Variants in WHRN observed in about 807,000 individuals in gnomAD.
WHRN encodes the protein whirlin.
In WHRN, 41 loss-of-function variants were observed where a neutral mutation model predicts 68.3. That is an observed-to-expected ratio of 0.60 (90% CI 0.47 to 0.78). The LOEUF is 0.78. Among genes scored for constraint, WHRN ranks in the 30% least tolerant of loss-of-function variants. WHRN has a pLI of 0.00. For missense variants in WHRN, 1,243 were observed against 1,244.7 expected (o/e 1.00, Z 0.02); for synonymous variants, 560 against 561.3 (o/e 1.00, Z 0.03).
chr9:114,498,609 C>T (rs930113783), intron 1 of WHRN, among the ~76,000 whole-genome samples: 1 of 152,088 alleles, frequency 6.6e-6, no homozygotes, highest in African/African-American at 2.4e-5. Context: ...GGTCTCAGAC[C>T]GCCCCCCAAC....
Position 114,406,891 on chromosome 9 carries a change from T to A in WHRN, c.1700A>T (p.Asp567Val). Residue 567 changes from aspartate (D) to valine (V), a missense_variant and splice_region_variant, in exon 9 of 12, where the codon GAT becomes GTT. By Grantham distance (152) the Asp-to-Val change is radical. Transcript: ENST00000362057. ...NINALPDVSV[D>V]DVRSTSQGLS... The stretch of plus-strand genomic sequence containing the variant: ...CCCCTGGGAGGTGGATCTGACATCA[T>A]CCTGCCAAAAGACCCAACAGGCGGA... The A allele has an allele frequency of 6.4e-7, 1 of 1,570,550 alleles. No individual in the cohort carries two copies. The highest frequency in any genetic ancestry group is 8.6e-7 in the Non-Finnish European group (1 of 1,157,910).
rs866159245 is a variant in WHRN at position 114,407,871 on chromosome 9, G to A, written c.1698+76C>T. On this transcript the variant is annotated intron_variant, in intron 8 of 11. Transcript: ENST00000362057. ...CACCCTGTGCCCTTTCTCCGTGGCT[G>A]TCATGGAGAGGAGAGAGCCACCAGG... The A allele has an allele frequency of 2.1e-4, 269 of 1,286,648 alleles. 1 individual carries two copies. Among genetic ancestry groups the A allele is most frequent in the Middle Eastern group, 2.0e-3 (9 of 4,458 alleles). 79.7% of individuals were successfully genotyped at this position (1,286,648 alleles called of 1,614,324 possible).
intron 7 of WHRN, among the ~76,000 whole-genome samples, chr9:114,421,855 G>A (rs943261766): frequency 6.6e-6 from 1 of 152,176 alleles, no homozygotes; most frequent in Admixed American, 6.5e-5. Context: ...TCCAGCCCTA[G>A]AGGAATGCAG....
chr9:114,491,458 A>AAC lies in WHRN; in HGVS notation c.619-12689_619-12688dup, dbSNP rs56131508. The AAC allele has an allele frequency of 9.0e-3, 1,381 of 153,010 alleles. 23 individuals carry two copies. Among genetic ancestry groups the AAC allele is most frequent in the African/African-American group, 0.032 (1,317 of 41,516 alleles). 9.5% of individuals were successfully genotyped at this position (153,010 alleles called of 1,614,324 possible). On this transcript the variant is annotated intron_variant, in intron 1 of 11. Transcript: ENST00000362057. ...CGAAATATATACGTGTAAATACATG[A>AAC]ACACACACACAAACAATAAACATGC...
At chr9:114,412,733 A>T (rs1039534505) in intron 7 of WHRN, among the ~76,000 whole-genome samples, 2 of 152,188 alleles carry the variant, frequency 1.3e-5, no homozygotes, top group Non-Finnish European at 2.9e-5. Context: ...CCCAGGTATC[A>T]CAGAAGTGTG....
At chr9:114,443,554 T>C in intron 3 of WHRN, among the ~76,000 whole-genome samples, 1 of 152,350 alleles carries the variant, frequency 6.6e-6, no homozygotes, top group East Asian at 1.9e-4. Context: ...ACCCTTGTGA[T>C]GACACGCGAC....
chr9:114,438,537 C>G (rs184761109), intron 3 of WHRN, among the ~76,000 whole-genome samples: 1 of 150,336 alleles, frequency 6.7e-6, no homozygotes, highest in African/African-American at 2.4e-5. Context: ...ACTGCAAGCT[C>G]TGCCTCCCGT....
At chr9:114,488,369 G>A (rs1181942215) in intron 1 of WHRN, among the ~76,000 whole-genome samples, 1 of 152,180 alleles carries the variant, frequency 6.6e-6, no homozygotes, top group African/African-American at 2.4e-5. Flanking sequence ...TCTTCCCACT[G>A]CACAGATGAG....
intron 3 of WHRN, among the ~76,000 whole-genome samples, chr9:114,455,172 TAG>T (rs55857451): frequency 0.75 from 113,846 of 151,892 alleles, 42,816 homozygotes; most frequent in East Asian, 0.96. Context: ...ATTGACAAAA[TAG>T]ACTTTATTAA....
chr9:114,466,444 G>C, intron 2 of WHRN, 52 bp from the exon 3 acceptor site: 1 of 1,610,604 alleles, frequency 6.2e-7, no homozygotes, highest in Non-Finnish European at 8.5e-7. Flanking sequence ...CATCCCTTCC[G>C]GGGACAGCAG....
At chr9:114,499,559 G>T (rs1843741512) in intron 1 of WHRN, among the ~76,000 whole-genome samples, 1 of 152,228 alleles carries the variant, frequency 6.6e-6, no homozygotes, top group Non-Finnish European at 1.5e-5. Flanking sequence ...GAAATCACCA[G>T]TTGGAGCCTA....
At chr9:114,471,270 C>T (rs915135298) in intron 2 of WHRN, among the ~76,000 whole-genome samples, 7 of 152,178 alleles carry the variant, frequency 4.6e-5, no homozygotes, top group African/African-American at 1.2e-4. Flanking sequence ...TCCCAGGCAC[C>T]GTACTCAGCC....
At chr9:114,461,565 T>C in intron 3 of WHRN, among the ~76,000 whole-genome samples, 1 of 152,254 alleles carries the variant, frequency 6.6e-6, no homozygotes, top group East Asian at 1.9e-4. Flanking sequence ...CTAAGGCATC[T>C]TCTCCCCACC....
At chr9:114,471,790 C>T (rs1841245494) in intron 2 of WHRN, among the ~76,000 whole-genome samples, 1 of 152,214 alleles carries the variant, frequency 6.6e-6, no homozygotes, top group Non-Finnish European at 1.5e-5. Context: ...TGGGGGATGT[C>T]TGCTAGGGGA....
intron 3 of WHRN, among the ~76,000 whole-genome samples, chr9:114,458,038 G>A (rs1049511618): frequency 1.3e-5 from 2 of 152,128 alleles, no homozygotes; most frequent in South Asian, 2.1e-4. Flanking sequence ...TTACAGTGGC[G>A]GATTCTGGCT....
intron 3 of WHRN, among the ~76,000 whole-genome samples, chr9:114,465,008 G>T (rs956140882): frequency 1.5e-4 from 23 of 152,152 alleles, no homozygotes; most frequent in African/African-American, 5.6e-4. Flanking sequence ...TTTGGTGAGG[G>T]CTTACGTAGT....
At chr9:114,454,921 G>A (rs1488180157) in intron 3 of WHRN, among the ~76,000 whole-genome samples, 1 of 152,172 alleles carries the variant, frequency 6.6e-6, no homozygotes, top group Admixed American at 6.5e-5. Context: ...ATATACCCAA[G>A]TGATTTTTGG....
intron 3 of WHRN, among the ~76,000 whole-genome samples, chr9:114,427,618 T>C (rs1589116262): frequency 1.3e-5 from 2 of 152,306 alleles, no homozygotes; most frequent in South Asian, 2.1e-4. Flanking sequence ...GTAAGACAAA[T>C]GGGAGCTTGG....
At chr9:114,497,829 C>G (rs1442391680) in intron 1 of WHRN, among the ~76,000 whole-genome samples, 1 of 152,150 alleles carries the variant, frequency 6.6e-6, no homozygotes, top group Non-Finnish European at 1.5e-5. Flanking sequence ...CAGAGGGTTC[C>G]AAATGTTGCC....
Sources: gnomAD v4.1 joint callset for allele counts (sites outside exome capture counted in the v4.1 genomes callset) on GRCh38, gnomAD v4.1.1 for gene constraint, MANE v1.5 for transcripts, NCBI Gene and HGNC (gene_info 2026-07-23, HGNC 2026-07-21) for gene names.